Variants in SLC25A21 observed in about 807,000 individuals in gnomAD.
The protein encoded by SLC25A21 is mitochondrial 2-oxodicarboxylate carrier.
Under a neutral mutation model 43.8 loss-of-function variants are expected in SLC25A21, and 47 were observed. That is an observed-to-expected ratio of 1.07 (90% CI 0.85 to 1.37). The LOEUF (loss-of-function observed/expected upper bound fraction) is 1.37, where lower values mean the gene tolerates loss of function less well. Ranked by LOEUF, SLC25A21 falls within the 40% of genes most tolerant of loss-of-function variation. The probability of loss-of-function intolerance (pLI) is 0.00; values close to 1 mark genes in which losing one functional copy is unlikely to be tolerated. For synonymous variants in SLC25A21, 131 were observed against 121.3 expected, an observed-to-expected ratio of 1.08 and a Z score of -0.52; for missense variants, 352 against 350.2, an observed-to-expected ratio of 1.00 and a Z score of -0.04.
intron 1 of SLC25A21, among the ~76,000 whole-genome samples, chr14:37,150,061 T>G (rs1276930421): frequency 3.9e-5 from 6 of 152,156 alleles, no homozygotes; most frequent in Admixed American, 3.9e-4. Context: ...AGAAAAATTA[T>G]TATTCATACA....
intron 1 of SLC25A21, among the ~76,000 whole-genome samples, chr14:36,927,908 A>C (rs1280922344): frequency 6.6e-6 from 1 of 152,140 alleles, no homozygotes; most frequent in African/African-American, 2.4e-5. Context: ...TACTTAGGAG[A>C]GGAAAAAACC....
intron 1 of SLC25A21, among the ~76,000 whole-genome samples, chr14:36,986,094 T>G (rs1960139044): frequency 6.6e-6 from 1 of 152,154 alleles, no homozygotes; most frequent in African/African-American, 2.4e-5. Flanking sequence ...AATCAAGATT[T>G]AGGTATTAGG....
At chr14:36,717,986 T>C (rs1227410820) in intron 6 of SLC25A21, among the ~76,000 whole-genome samples, 1 of 152,174 alleles carries the variant, frequency 6.6e-6, no homozygotes, top group African/African-American at 2.4e-5. Flanking sequence ...TTTTTCTTTA[T>C]ATAGCTCTGT....
chr14:36,720,005 C>T (rs35240761), intron 6 of SLC25A21, among the ~76,000 whole-genome samples: 35,837 of 152,076 alleles, frequency 0.24, 4,333 homozygotes, highest in Middle Eastern at 0.32. Flanking sequence ...GCACTTGGAT[C>T]CCGGCTACAG....
chr14:37,146,821 G>A (rs1963674338), intron 1 of SLC25A21, among the ~76,000 whole-genome samples: 3 of 152,142 alleles, frequency 2.0e-5, no homozygotes, highest in Admixed American at 1.3e-4. Flanking sequence ...CATGTCTCAT[G>A]TTTATTCAAA....
intron 1 of SLC25A21, among the ~76,000 whole-genome samples, chr14:36,954,569 T>C (rs928310642): frequency 2.0e-5 from 3 of 152,040 alleles, no homozygotes; most frequent in Non-Finnish European, 2.9e-5. Context: ...ATATGTATCA[T>C]GTATAATATG....
intron 3 of SLC25A21, among the ~76,000 whole-genome samples, chr14:36,767,096 C>T (rs1886444130): frequency 6.6e-6 from 1 of 152,144 alleles, no homozygotes; most frequent in Admixed American, 6.5e-5. Context: ...TTACTACAAG[C>T]TTTCTAATTT....
At chr14:36,818,264 C>T (rs1352343176) in intron 2 of SLC25A21, among the ~76,000 whole-genome samples, 1 of 152,146 alleles carries the variant, frequency 6.6e-6, no homozygotes, top group Non-Finnish European at 1.5e-5. Context: ...CTTGGAGCTA[C>T]ATATCTGCAA....
At chr14:37,152,566 T>C (rs1275292466) in intron 1 of SLC25A21, among the ~76,000 whole-genome samples, 3 of 151,972 alleles carry the variant, frequency 2.0e-5, no homozygotes, top group Non-Finnish European at 4.4e-5. Context: ...ATTTCTGCTA[T>C]ATACCTTAAA....
intron 6 of SLC25A21, among the ~76,000 whole-genome samples, chr14:36,722,763 C>T (rs1246687764): frequency 6.6e-6 from 1 of 152,136 alleles, no homozygotes; most frequent in Non-Finnish European, 1.5e-5. Flanking sequence ...CACTTATACA[C>T]ACATATTTAA....
chr14:37,003,336 C>T (rs968528359), intron 1 of SLC25A21, among the ~76,000 whole-genome samples: 4 of 152,086 alleles, frequency 2.6e-5, no homozygotes, highest in African/African-American at 4.8e-5. Context: ...GTGAGGTGAA[C>T]GCTACAGGCA....
intron 3 of SLC25A21, among the ~76,000 whole-genome samples, chr14:36,803,763 G>A (rs1424732732): frequency 6.6e-6 from 1 of 152,172 alleles, no homozygotes; most frequent in Non-Finnish European, 1.5e-5. Context: ...TACATACATT[G>A]TGATCATATG....
At chr14:36,781,066 A>G (rs987207469) in intron 3 of SLC25A21, among the ~76,000 whole-genome samples, 2 of 152,088 alleles carry the variant, frequency 1.3e-5, no homozygotes, top group African/African-American at 4.8e-5. Flanking sequence ...CTTCTTTATT[A>G]TTAGATATAA....
chr14:37,168,379 T>C (rs1594356080), intron 1 of SLC25A21, among the ~76,000 whole-genome samples: 1 of 152,198 alleles, frequency 6.6e-6, no homozygotes, highest in African/African-American at 2.4e-5. Context: ...TCCAGGCTAC[T>C]GTCAGTGCAT....
At chr14:37,013,419 G>A (rs1960776121) in intron 1 of SLC25A21, among the ~76,000 whole-genome samples, 1 of 152,136 alleles carries the variant, frequency 6.6e-6, no homozygotes, top group Admixed American at 6.6e-5. Context: ...GCTCTGTGAA[G>A]TACACCAGGA....
At chr14:36,793,921 A>G (rs1400833333) in intron 3 of SLC25A21, among the ~76,000 whole-genome samples, 5 of 44,592 alleles carry the variant, frequency 1.1e-4, no homozygotes, top group East Asian at 1.7e-3. Context: ...GCAGATCAGG[A>G]AAAAAAAAAA....
At chr14:37,153,619 C>T (rs949770421) in intron 1 of SLC25A21, among the ~76,000 whole-genome samples, 1 of 152,186 alleles carries the variant, frequency 6.6e-6, no homozygotes, top group Admixed American at 6.5e-5. Flanking sequence ...ACCCACTGGC[C>T]CAGGCTGTTG....
chr14:36,934,165 G>C (rs1047170783), intron 1 of SLC25A21, among the ~76,000 whole-genome samples: 2 of 152,022 alleles, frequency 1.3e-5, no homozygotes, highest in Non-Finnish European at 1.5e-5. Context: ...AGTTTATTTG[G>C]ATAATAAGTA....
intron 1 of SLC25A21, among the ~76,000 whole-genome samples, chr14:36,964,178 G>C (rs575084092): frequency 6.6e-6 from 1 of 152,266 alleles, no homozygotes; most frequent in African/African-American, 2.4e-5. Flanking sequence ...CCTGATTTAT[G>C]AATCAATAGC....
Sources: gnomAD v4.1 joint callset for allele counts (sites outside exome capture counted in the v4.1 genomes callset) on GRCh38, gnomAD v4.1.1 for gene constraint, MANE v1.5 for transcripts, NCBI Gene and HGNC (gene_info 2026-07-23, HGNC 2026-07-21) for gene names.